The following CAPN3 variants were observed in gnomAD, a reference collection of about 807,000 sequenced individuals.
CAPN3 encodes calpain 3, also known as calpain-3.
Under a neutral mutation model 114.0 loss-of-function variants are expected in CAPN3, and 88 were observed. That is an observed-to-expected ratio of 0.77 (90% CI 0.65 to 0.92). CAPN3 has a LOEUF of 0.92. Among genes scored for constraint, CAPN3 ranks in the 40% least tolerant of loss-of-function variants. The probability of loss-of-function intolerance (pLI) is 0.00; values close to 1 mark genes in which losing one functional copy is unlikely to be tolerated. For missense variants in CAPN3, 1,028 were observed against 1,069.0 expected, an observed-to-expected ratio of 0.96 and a Z score of 0.53; for synonymous variants, 386 against 382.9, an observed-to-expected ratio of 1.01 and a Z score of -0.09.
chr15:42,381,298 C>A (rs1008045197), intron 1 of CAPN3, among the ~76,000 whole-genome samples: 4 of 152,070 alleles, frequency 2.6e-5, no homozygotes, highest in African/African-American at 4.8e-5. Flanking sequence ...TTTAACATTT[C>A]TTGCATGGCA....
intron 7 of CAPN3, 114 bp downstream of exon 7, chr15:42,392,836 A>G: frequency 1.3e-6 from 1 of 765,388 alleles, no homozygotes; most frequent in Non-Finnish European, 2.2e-6. Flanking sequence ...TCCAATCAGG[A>G]CATTCAGTTC....
intron 1 of CAPN3, among the ~76,000 whole-genome samples, chr15:42,381,487 A>G (rs951212073): frequency 6.6e-6 from 1 of 152,180 alleles, no homozygotes; most frequent in Admixed American, 6.5e-5. Context: ...CCCGAACACT[A>G]TAGGCAATAT....
intron 14 of CAPN3, chr15:42,404,135 AAAGT>A (rs756134628): frequency 4.2e-6 from 2 of 471,396 alleles, no homozygotes; most frequent in South Asian, 3.1e-5. Flanking sequence ...TAGAGAAAAG[AAAGT>A]AAGCTGGTGC....
chr15:42,409,744 G>T, intron 17 of CAPN3, 43 bp from the exon 18 acceptor site: 1 of 1,551,936 alleles, frequency 6.4e-7, no homozygotes, highest in South Asian at 1.1e-5. Context: ...GCCAGGAGCT[G>T]CTGTACTCCT....
At chr15:42,361,588 T>C (rs2052645544) in intron 1 of CAPN3, among the ~76,000 whole-genome samples, 1 of 152,074 alleles carries the variant, frequency 6.6e-6, no homozygotes. Flanking sequence ...AGGCCTTCAG[T>C]TTAGAAGATA....
In CAPN3 at chr15:42,394,242, T is replaced by C. The variant is rs896826849; in HGVS notation, c.1030-14T>C. ...GAGGCTGCAGAGCATGAGAGCTCTT[T>C]CTGTGTGCTTAAGGTCCCGTTCAAA... On this transcript the variant is annotated splice_polypyrimidine_tract_variant and intron_variant, in intron 7 of 23. Coordinates refer to ENST00000397163, the MANE Select transcript of CAPN3 (RefSeq NM_000070.3). 2 of 1,553,146 alleles carry C rather than the reference T, an allele frequency of 1.3e-6. No homozygotes were observed. The highest frequency in any genetic ancestry group is 1.7e-6 in the Non-Finnish European group (2 of 1,147,548).
At chr15:42,409,043 G>T in intron 16 of CAPN3, 2 of 529,738 alleles carry the variant, frequency 3.8e-6, no homozygotes, top group Non-Finnish European at 6.8e-6. Context: ...TTGCAGGTGG[G>T]GACTGGGGTG....
intron 1 of CAPN3, among the ~76,000 whole-genome samples, chr15:42,360,573 A>G (rs533952690): frequency 6.6e-5 from 10 of 152,308 alleles, no homozygotes; most frequent in African/African-American, 2.2e-4. Context: ...ACCAATGGCC[A>G]TATCTTTCTG....
chr15:42,367,378 G>T (rs1415298033), intron 1 of CAPN3, among the ~76,000 whole-genome samples: 1 of 152,174 alleles, frequency 6.6e-6, no homozygotes, highest in African/African-American at 2.4e-5. Context: ...CAATTCACAA[G>T]GAAGCCTGGT....
intron 1 of CAPN3, among the ~76,000 whole-genome samples, chr15:42,365,597 A>C (rs1595799150): frequency 6.8e-6 from 1 of 147,690 alleles, no homozygotes; most frequent in African/African-American, 2.5e-5. Flanking sequence ...TTTTCCCCTC[A>C]CCTCTTTCCC....
intron 16 of CAPN3, 108 bp from the exon 17 acceptor site, chr15:42,409,195 C>A: frequency 4.2e-6 from 4 of 961,168 alleles, no homozygotes; most frequent in Non-Finnish European, 5.0e-6. Flanking sequence ...CTCCTGCTGC[C>A]ACCTCCGGCC....
At position 42,359,545 on chromosome 15, in the gene CAPN3, AC is replaced by A. The variant is rs1486663122; in HGVS notation, c.-256del. 2.2e-6 allele frequency: 3 copies of A among 1,341,512 alleles called. No individual in the cohort carries two copies. Among genetic ancestry groups the A allele is most frequent in the Non-Finnish European group, 1.9e-6 (2 of 1,044,550 alleles). The allele number at this position is 1,341,512 out of a possible 1,614,324, so 83.1% of individuals were successfully genotyped here. A position where few individuals can be genotyped will look rare whatever the true frequency, so the allele number is the denominator to read the frequency against. On this transcript the variant is annotated 5_prime_UTR_variant, in exon 1 of 24. It introduces an in-frame stop codon into an upstream open reading frame of the 5' UTR. Transcript: ENST00000397163. Reference sequence around the variant, plus strand: ...CTGGCATGCATGCTGCTGGTAGGAGACCCCCAAGTCAACATTGCTTCAGAAA... The same window carrying A: ...CTGGCATGCATGCTGCTGGTAGGAGACCCCAAGTCAACATTGCTTCAGAAA...
chr15:42,386,956 C>T (rs935827261), intron 3 of CAPN3, among the ~76,000 whole-genome samples: 1 of 152,076 alleles, frequency 6.6e-6, no homozygotes, highest in Non-Finnish European at 1.5e-5. Context: ...CCCTCATGTC[C>T]CAGGATGACC....
chr15:42,401,548 T>G, intron 10 of CAPN3, 93 bp from the exon 11 acceptor site: 2 of 904,348 alleles, frequency 2.2e-6, no homozygotes, highest in Non-Finnish European at 1.6e-6. Flanking sequence ...CACCTAGATG[T>G]AGGGAATAGA....
At position 42,411,321 on chromosome 15, in the gene CAPN3, T is replaced by C. The variant is rs2054222678; in HGVS notation, c.2415T>C (p.Gly805=). The C allele has an allele frequency of 6.2e-7, 1 of 1,614,004 alleles. No individual in the cohort carries two copies. The highest frequency in any genetic ancestry group is 1.7e-5 in the Admixed American group (1 of 60,002). The part of the protein sequence containing the change: ...AFHAFDKDGD[G]IIKLNVLEWL... Reference sequence around the variant, plus strand: ...ATGCATTTGACAAGGATGGAGATGGTATCATCAAGCTCAACGTTCTGGAGG... The same window carrying C: ...ATGCATTTGACAAGGATGGAGATGGCATCATCAAGCTCAACGTTCTGGAGG... Residue 805 remains glycine, a synonymous_variant, in exon 23 of 24, where the codon GGT becomes GGC. Coordinates refer to ENST00000397163, the MANE Select transcript of CAPN3 (RefSeq NM_000070.3).
chr15:42,376,841 A>C (rs2053101575), intron 1 of CAPN3, among the ~76,000 whole-genome samples: 1 of 152,210 alleles, frequency 6.6e-6, no homozygotes, highest in South Asian at 2.1e-4. Flanking sequence ...ATATCTGTAA[A>C]TATTTCTATA....
At chr15:42,387,408 G>A (rs759814613) in intron 3 of CAPN3, among the ~76,000 whole-genome samples, 16 of 152,200 alleles carry the variant, frequency 1.1e-4, no homozygotes, top group Non-Finnish European at 1.3e-4. Context: ...GGGGGCACCT[G>A]AGAGTGCTGA....
At chr15:42,360,622 G>T (rs1050867637) in intron 1 of CAPN3, among the ~76,000 whole-genome samples, 6 of 152,164 alleles carry the variant, frequency 3.9e-5, no homozygotes, top group African/African-American at 1.4e-4. Flanking sequence ...TCATAGGCAA[G>T]GAATATTTTT....
At chr15:42,389,172 A>G in intron 5 of CAPN3, 76 bp downstream of exon 5, 3 of 1,414,200 alleles carry the variant, frequency 2.1e-6, no homozygotes, top group Non-Finnish European at 3.0e-6. Context: ...AGGGCAGCAT[A>G]GAGCTTTTGT....
Sources: gnomAD v4.1 joint callset for allele counts (sites outside exome capture counted in the v4.1 genomes callset) on GRCh38, gnomAD v4.1.1 for gene constraint, MANE v1.5 for transcripts, NCBI Gene and HGNC (gene_info 2026-07-23, HGNC 2026-07-21) for gene names.